The following LURAP1L variants were observed in gnomAD, a reference collection of about 807,000 sequenced individuals.
LURAP1L encodes the protein leucine rich adaptor protein 1 like.
LURAP1L carries 12 observed loss-of-function variants against 13.8 expected under a neutral mutation model. The ratio of observed to expected loss-of-function variants is 0.87; its 90% CI spans 0.56 to 1.41. LURAP1L has a LOEUF of 1.41. Ranked by LOEUF, LURAP1L falls within the 40% of genes most tolerant of loss-of-function variation. The probability of loss-of-function intolerance (pLI) is 0.00; values close to 1 mark genes in which losing one functional copy is unlikely to be tolerated. For synonymous variants in LURAP1L, 139 were observed against 119.2 expected (o/e 1.17, Z -1.08); for missense variants, 375 against 292.9 (o/e 1.28, Z -2.04).
intron 1 of LURAP1L, among the ~76,000 whole-genome samples, chr9:12,780,634 T>C (rs998260630): frequency 1.3e-5 from 2 of 152,148 alleles, no homozygotes; most frequent in Admixed American, 6.5e-5. Flanking sequence ...CTATATACTA[T>C]ATGCACTACG....
At chr9:12,793,003 G>A (rs1819464180) in intron 1 of LURAP1L, among the ~76,000 whole-genome samples, 1 of 152,008 alleles carries the variant, frequency 6.6e-6, no homozygotes, top group South Asian at 2.1e-4. Flanking sequence ...CTCTATATAT[G>A]TGTTTTTGTC....
At chr9:12,790,563 T>C (rs1483860551) in intron 1 of LURAP1L, 1 of 152,082 alleles carries the variant, frequency 6.6e-6, no homozygotes, top group Admixed American at 6.6e-5. Flanking sequence ...TCTATTACTG[T>C]AGCGATTCAC....
chr9:12,780,993 T>C (rs1024316835), intron 1 of LURAP1L, among the ~76,000 whole-genome samples: 1 of 152,148 alleles, frequency 6.6e-6, no homozygotes, highest in Admixed American at 6.6e-5. Flanking sequence ...TTATTTGAGA[T>C]GGAGTTTCGC....
intron 1 of LURAP1L, among the ~76,000 whole-genome samples, chr9:12,811,188 G>T (rs1030119885): frequency 1.3e-5 from 2 of 152,102 alleles, no homozygotes; most frequent in Non-Finnish European, 2.9e-5. Flanking sequence ...ATTCTGAAAA[G>T]CAAGATTGCA....
At chr9:12,785,262 T>C (rs1296114373) in intron 1 of LURAP1L, among the ~76,000 whole-genome samples, 1 of 151,958 alleles carries the variant, frequency 6.6e-6, no homozygotes, top group Non-Finnish European at 1.5e-5. Context: ...TCCTCTTTAC[T>C]CTCCCCTCTT....
At chr9:12,779,899 A>T (rs1449815314) in intron 1 of LURAP1L, among the ~76,000 whole-genome samples, 2 of 152,240 alleles carry the variant, frequency 1.3e-5, no homozygotes, top group Non-Finnish European at 2.9e-5. Context: ...GGATGAACAT[A>T]TTCAAAAGCC....
intron 1 of LURAP1L, among the ~76,000 whole-genome samples, chr9:12,801,746 T>C (rs1819588736): frequency 1.3e-5 from 2 of 152,172 alleles, no homozygotes; most frequent in Admixed American, 1.3e-4. Flanking sequence ...AATTTAAGAA[T>C]GTTCCAAAAA....
chr9:12,776,267 C>G (rs960967153), intron 1 of LURAP1L, among the ~76,000 whole-genome samples: 1 of 152,136 alleles, frequency 6.6e-6, no homozygotes, highest in East Asian at 1.9e-4. Context: ...TCGGCTGGCT[C>G]CACTCTGTGT....
intron 1 of LURAP1L, among the ~76,000 whole-genome samples, chr9:12,798,282 C>A (rs1322441931): frequency 6.6e-6 from 1 of 152,144 alleles, no homozygotes; most frequent in Admixed American, 6.6e-5. Context: ...TGGCCACCAG[C>A]AAACATATTT....
intron 1 of LURAP1L, among the ~76,000 whole-genome samples, chr9:12,800,013 TA>T: frequency 6.6e-6 from 1 of 152,318 alleles, no homozygotes. Flanking sequence ...CTCACATAGT[TA>T]ACTTTTACAT....
In LURAP1L at chr9:12,821,846, T is replaced by C. The variant is rs1819886354; in HGVS notation, c.*86T>C. 2 of 1,466,436 alleles carry C rather than the reference T, an allele frequency of 1.4e-6. No homozygotes were observed. The highest frequency in any genetic ancestry group is 1.8e-6 in the Non-Finnish European group (2 of 1,097,918). 90.8% of individuals were successfully genotyped at this position (1,466,436 alleles called of 1,614,324 possible). A position where few individuals can be genotyped will look rare whatever the true frequency, so the allele number is the denominator to read the frequency against. ...GCTATATTTTTGGTGTGATTTTTAT[T>C]TTAATAAGATGACCTTTTTAAAAGA... On this transcript the variant is annotated 3_prime_UTR_variant, in exon 2 of 2. Coordinates refer to ENST00000319264, the MANE Select transcript of LURAP1L (RefSeq NM_203403.2).
At position 12,775,398 on chromosome 9, in the gene LURAP1L, TC is replaced by T. The variant is rs1486723150; in HGVS notation, c.-313del. ...TCTTTCACTACTTCCCCCTCTTTAT[TC>T]CCCCTCTGTCTGCAATATCAGTGAA... is the stretch of plus-strand genomic sequence containing the variant. On this transcript the variant is annotated 5_prime_UTR_variant, in exon 1 of 2. Transcript: ENST00000319264. 3.1e-6 allele frequency: 1 copy of T among 319,736 alleles called. No individual in the cohort carries two copies. Among genetic ancestry groups the T allele is most frequent in the East Asian group, 5.6e-5 (1 of 18,018 alleles). The allele number at this position is 319,736 out of a possible 1,614,324, so 19.8% of individuals were successfully genotyped here. A position where few individuals can be genotyped will look rare whatever the true frequency, so the allele number is the denominator to read the frequency against.
At chr9:12,787,439 T>C (rs1053980865) in intron 1 of LURAP1L, among the ~76,000 whole-genome samples, 3 of 152,086 alleles carry the variant, frequency 2.0e-5, no homozygotes, top group African/African-American at 7.2e-5. Context: ...AGAGAGTTAG[T>C]CTATTAGTAT....
intron 1 of LURAP1L, among the ~76,000 whole-genome samples, chr9:12,820,526 A>AAT: frequency 1.4e-5 from 2 of 139,070 alleles, no homozygotes; most frequent in African/African-American, 5.4e-5. Flanking sequence ...AAAAAAAAAA[A>AAT]GGACCACACA....
chr9:12,800,767 C>T (rs1396619611), intron 1 of LURAP1L, among the ~76,000 whole-genome samples: 3 of 152,114 alleles, frequency 2.0e-5, no homozygotes, highest in South Asian at 2.1e-4. Context: ...TGAGCAGATG[C>T]CAGCATCATG....
intron 1 of LURAP1L, among the ~76,000 whole-genome samples, chr9:12,780,800 T>C (rs1233936409): frequency 6.6e-6 from 1 of 152,074 alleles, no homozygotes; most frequent in Non-Finnish European, 1.5e-5. Context: ...AGTAATAAAT[T>C]GTATAAATAA....
intron 1 of LURAP1L, among the ~76,000 whole-genome samples, chr9:12,793,645 G>A (rs1486066425): frequency 2.0e-5 from 3 of 152,044 alleles, no homozygotes; most frequent in Non-Finnish European, 4.4e-5. Flanking sequence ...ATTCATACAT[G>A]ATATGATCAA....
At chr9:12,798,719 C>A (rs1330490248) in intron 1 of LURAP1L, among the ~76,000 whole-genome samples, 1 of 152,120 alleles carries the variant, frequency 6.6e-6, no homozygotes, top group African/African-American at 2.4e-5. Flanking sequence ...TAGTCATTAT[C>A]AGATATAAGG....
At chr9:12,784,441 G>A (rs1007926765) in intron 1 of LURAP1L, among the ~76,000 whole-genome samples, 9 of 152,168 alleles carry the variant, frequency 5.9e-5, no homozygotes, top group African/African-American at 2.2e-4. Flanking sequence ...TATGACTCTT[G>A]CAGACTAACA....
Sources: gnomAD v4.1 joint callset for allele counts (sites outside exome capture counted in the v4.1 genomes callset) on GRCh38, gnomAD v4.1.1 for gene constraint, MANE v1.5 for transcripts, NCBI Gene and HGNC (gene_info 2026-07-23, HGNC 2026-07-21) for gene names.